The following MICAL3 variants were observed in gnomAD, a reference collection of about 807,000 sequenced individuals.
MICAL3 encodes [F-actin]-monooxygenase MICAL3.
Under a neutral mutation model 207.4 loss-of-function variants are expected in MICAL3, and 62 were observed. The observed-to-expected ratio is 0.30, with a 90% confidence interval of 0.24 to 0.37. The LOEUF is 0.37. MICAL3 is among the 10% of genes least tolerant of loss of function. The probability of loss-of-function intolerance (pLI) is 1.00; values close to 1 mark genes in which losing one functional copy is unlikely to be tolerated. For synonymous variants in MICAL3, 1,077 were observed against 1,069.3 expected, an observed-to-expected ratio of 1.01 and a Z score of -0.14; for missense variants, 2,368 against 2,635.6, an observed-to-expected ratio of 0.90 and a Z score of 2.22.
intron 16 of MICAL3, chr22:17,884,346 G>A (rs748231916): frequency 2.8e-5 from 44 of 1,591,478 alleles, no homozygotes; most frequent in Non-Finnish European, 3.7e-5. Flanking sequence ...CTGGCCCCAC[G>A]CTCTTGTGTC....
intron 1 of MICAL3, among the ~76,000 whole-genome samples, chr22:17,931,457 T>G (rs548281890): frequency 6.6e-6 from 1 of 152,282 alleles, no homozygotes; most frequent in Admixed American, 6.5e-5. Context: ...GGCAGACAGC[T>G]GGGAGCCCAA....
intron 27 of MICAL3, chr22:17,815,741 A>C (rs1043300813): frequency 6.6e-6 from 1 of 152,414 alleles, no homozygotes; most frequent in African/African-American, 2.4e-5. Flanking sequence ...GAATGCACCA[A>C]GGAGGGGATG....
intron 13 of MICAL3, among the ~76,000 whole-genome samples, chr22:17,888,509 G>A (rs964056138): frequency 3.3e-5 from 5 of 152,206 alleles, no homozygotes; most frequent in Non-Finnish European, 5.9e-5. Flanking sequence ...CAGACACAGA[G>A]GAGACAAGAT....
chr22:17,995,270 G>A (rs1922141639), intron 1 of MICAL3, among the ~76,000 whole-genome samples: 1 of 150,802 alleles, frequency 6.6e-6, no homozygotes. Flanking sequence ...TCAAACTCCT[G>A]GCCTCAAGTG....
At chr22:17,800,283 TTCAA>T (rs2061924405) in intron 29 of MICAL3, among the ~76,000 whole-genome samples, 1 of 152,168 alleles carries the variant, frequency 6.6e-6, no homozygotes, top group South Asian at 2.1e-4. Context: ...TGTGTGTATT[TTCAA>T]TCAGTTTTAG....
At chr22:17,946,087 GA>G (rs1934052745) in intron 1 of MICAL3, among the ~76,000 whole-genome samples, 1 of 152,304 alleles carries the variant, frequency 6.6e-6, no homozygotes, top group East Asian at 1.9e-4. Context: ...AGCAGGTACA[GA>G]TGACAAAGCA....
chr22:17,969,463 T>C (rs1935304209), intron 1 of MICAL3, among the ~76,000 whole-genome samples: 1 of 152,250 alleles, frequency 6.6e-6, no homozygotes, highest in African/African-American at 2.4e-5. Flanking sequence ...CGTTGTGGAA[T>C]GACAGTGTCC....
rs1335489263 is a variant in MICAL3, at chr22:17,790,730, G to T, written c.*2C>A. On this transcript the variant is annotated 3_prime_UTR_variant, in exon 32 of 32. Coordinates refer to ENST00000441493, the MANE Select transcript of MICAL3 (RefSeq NM_015241.3). Reference sequence around the variant, plus strand: ...ACAGAAAATGGAGCGTTGGGTGGGAGCTCAGGACCAGTTAAGGCTGAAGCC... The same window carrying T: ...ACAGAAAATGGAGCGTTGGGTGGGATCTCAGGACCAGTTAAGGCTGAAGCC... 3 of 1,591,842 alleles carry T rather than the reference G, an allele frequency of 1.9e-6. No homozygotes were observed. Among genetic ancestry groups the T allele is most frequent in the Admixed American group, 1.8e-5 (1 of 56,580 alleles).
intron 1 of MICAL3, among the ~76,000 whole-genome samples, chr22:17,930,490 G>GC (rs766285975): frequency 3.0e-4 from 45 of 152,340 alleles, no homozygotes; most frequent in Middle Eastern, 6.8e-3. Flanking sequence ...ATGAACTACT[G>GC]CAACATCCAG....
intron 3 of MICAL3, among the ~76,000 whole-genome samples, chr22:17,903,493 G>A (rs749806034): frequency 1.3e-5 from 2 of 152,184 alleles, no homozygotes; most frequent in Non-Finnish European, 1.5e-5. Flanking sequence ...AATCCACTGC[G>A]TTAATGACCC....
intron 1 of MICAL3, among the ~76,000 whole-genome samples, chr22:17,974,606 T>C (rs1011687442): frequency 3.3e-5 from 5 of 151,834 alleles, no homozygotes; most frequent in African/African-American, 1.2e-4. Flanking sequence ...CACCTGTAAT[T>C]CCAGCTACTT....
chr22:17,906,533 C>G lies in MICAL3; in HGVS notation c.264+16G>C, dbSNP rs886826266. On this transcript the variant is annotated intron_variant, in intron 2 of 31. Transcript: ENST00000441493. ...TCTCGTCAGTGACCCCAGGGCCCAA[C>G]AGGAGCAAAGCTTACCTTGGTGTTA... The G allele has an allele frequency of 2.5e-6, 4 of 1,612,302 alleles. No homozygotes were observed. The South Asian group carries it at 3.3e-5, about 13-fold the overall frequency.
chr22:17,842,244 G>T, intron 19 of MICAL3: 1 of 577,760 alleles, frequency 1.7e-6, no homozygotes, highest in Non-Finnish European at 3.1e-6. Context: ...AGGTCAGAGC[G>T]TTCTCTCTCC....
chr22:17,808,365 G>A (rs1419133525), intron 29 of MICAL3, among the ~76,000 whole-genome samples: 10 of 152,346 alleles, frequency 6.6e-5, no homozygotes, highest in Non-Finnish European at 8.8e-5. Flanking sequence ...TGTGTGTGCC[G>A]AGGGTGGCCA....
At chr22:17,836,694 G>T (rs1013103094) in intron 20 of MICAL3, among the ~76,000 whole-genome samples, 2 of 151,478 alleles carry the variant, frequency 1.3e-5, no homozygotes, top group African/African-American at 2.4e-5. Context: ...ACCCAGGCTG[G>T]AGTGCAGTGG....
rs773526390 is a variant in MICAL3, at chr22:17,906,669, G to A, written c.144C>T (p.Ser48=). The change falls in exon 2 of 32, where the codon TCC becomes TCT. Residue 48 remains serine, a synonymous_variant. Transcript: ENST00000441493. ...GCTTGGACTTGAGCTTGTGATAGAA[G>A]GAGCGGTAGTCCTTTGGCTTTAGTT... ...HLELKPKDYR[S]FYHKLKSKLN... 3.1e-6 allele frequency: 5 copies of A among 1,614,000 alleles called. No homozygotes were observed. Among genetic ancestry groups the A allele is most frequent in the Non-Finnish European group, 2.5e-6 (3 of 1,179,874 alleles).
intron 19 of MICAL3, among the ~76,000 whole-genome samples, chr22:17,853,225 C>T (rs185481492): frequency 6.6e-6 from 1 of 152,254 alleles, no homozygotes; most frequent in East Asian, 1.9e-4. Flanking sequence ...AAAAGCAATG[C>T]CAAATTTAGC....
intron 3 of MICAL3, among the ~76,000 whole-genome samples, chr22:17,904,168 C>T (rs1244873724): frequency 6.6e-6 from 1 of 152,190 alleles, no homozygotes; most frequent in South Asian, 2.1e-4. Flanking sequence ...AGTGTGGCTC[C>T]CCCCAGGACT....
rs753303909 is a variant in MICAL3, at chr22:17,887,324, T to C, written c.2003A>G (p.Lys668Arg). 41 of 1,613,276 alleles carry C rather than the reference T, an allele frequency of 2.5e-5. No homozygotes were observed. Among genetic ancestry groups the C allele is most frequent in the Non-Finnish European group, 3.2e-5 (38 of 1,179,418 alleles). The change falls in exon 14 of 32, where the codon AAG becomes AGG. Residue 668 changes from lysine (K) to arginine (R), a missense_variant and splice_region_variant. By Grantham distance (26) the Lys-to-Arg change is conservative (BLOSUM62 2). This residue lies in a region of MICAL3 where 1,770 missense variants were observed against 1,863.2 expected (regional missense o/e 0.95). Transcript: ENST00000441493. ...GQTISRKRSP[K>R]DKKEKDLDGA... ...CCATCAAGAGACTCCTCCACATACC[T>C]TGGGAGAACGCTTCCGAGAGATGGT...
Sources: allele counts gnomAD v4.1 joint callset (sites outside exome capture counted in the v4.1 genomes callset), GRCh38; gene constraint gnomAD v4.1.1; regional missense constraint gnomAD v4.1.1; transcripts MANE v1.5; gene names NCBI Gene and HGNC (gene_info 2026-07-23, HGNC 2026-07-21).